Variants in SNX15 observed in about 807,000 individuals in gnomAD.
SNX15 encodes sorting nexin 15, also known as sorting nexin-15.
In SNX15, 29 loss-of-function variants were observed where a neutral mutation model predicts 35.2. The observed-to-expected ratio is 0.82, with a 90% CI of 0.61 to 1.12. The LOEUF (loss-of-function observed/expected upper bound fraction) is 1.12. Ranked by LOEUF, SNX15 falls within the 50% of genes most tolerant of loss-of-function variation. The pLI is 0.00. For missense variants in SNX15, 400 were observed against 451.5 expected, an observed-to-expected ratio of 0.89 and a Z score of 1.03; for synonymous variants, 189 against 188.2, an observed-to-expected ratio of 1.00 and a Z score of -0.03.
chr11:65,037,218 T>A (rs620981), intron 6 of SNX15: 101,905 of 151,718 alleles, frequency 0.67, 34,901 homozygotes, highest in Non-Finnish European at 0.71. Context: ...TTTTATTTTT[T>A]TTTATTTATT....
At chr11:65,038,381 C>T (rs192704881) in intron 6 of SNX15, 191 bp from the exon 7 acceptor site, 1 of 1,145,748 alleles carries the variant, frequency 8.7e-7, no homozygotes. Context: ...TACAGAAGCA[C>T]ATGAACCCTA....
rs1053363115 is a variant in SNX15, at chr11:65,029,086, G to A, written c.99+1450G>A. ...AGCCTGGGAGACAGAGCGAGACTCCGTCTCAAAAATATAAATAAATAAATA... is the reference window on the plus strand; with the variant it reads ...AGCCTGGGAGACAGAGCGAGACTCCATCTCAAAAATATAAATAAATAAATA... On this transcript the variant is annotated intron_variant, in intron 1 of 7. Coordinates refer to ENST00000377244, the MANE Select transcript of SNX15 (RefSeq NM_013306.5). Among the ~76,000 whole-genome samples the A allele has an allele frequency of 4.5e-5, 6 of 133,070 alleles. No individual in the cohort carries two copies. The East Asian group carries it at 8.2e-4, about 18-fold the overall frequency. 87.3% of individuals were successfully genotyped at this position (133,070 alleles called of 152,430 possible).
rs779890317 is a variant in SNX15, at chr11:65,038,799, G to A, written c.892G>A (p.Gly298Ser). ...TGCTGCACTCCAGGGCTATCGAGAC[G>A]GCGTGCACGTCTTGCTTCAGGGAGT... ...YAAALQGYRD[G>S]VHVLLQGVPS... The change falls in exon 7 of 8, where the codon GGC (glycine) becomes AGC (serine). Residue 298 changes from glycine to serine, a missense_variant. Physicochemically the swap from Gly to Ser is moderately conservative, Grantham distance 56 (BLOSUM62 0). Transcript: ENST00000377244. The A allele has an allele frequency of 1.7e-5, 27 of 1,594,758 alleles. No individual in the cohort carries two copies. Among genetic ancestry groups the A allele is most frequent in the South Asian group, 6.8e-5 (6 of 87,882 alleles).
intron 1 of SNX15, among the ~76,000 whole-genome samples, chr11:65,027,899 T>C (rs1946393292): frequency 6.6e-6 from 1 of 152,150 alleles, no homozygotes; most frequent in African/African-American, 2.4e-5. Flanking sequence ...CGGAGTGTAG[T>C]GTCTGGGCAT....
intron 6 of SNX15, 108 bp from the exon 7 acceptor site, chr11:65,038,464 A>G (rs1176792949): frequency 2.1e-6 from 3 of 1,399,006 alleles, no homozygotes; most frequent in Admixed American, 2.9e-5. Context: ...GGTCCCCTCT[A>G]CTGGGGACAG....
In SNX15 at chr11:65,027,682, C is replaced by T. The variant is rs775163698; in HGVS notation, c.99+46C>T. ...TACTTTACCCTTTTAACTAGAGGGG[C>T]GCCGAGTTTTACCTTAAGGAAAGGC... On this transcript the variant is annotated intron_variant, in intron 1 of 7. Transcript: ENST00000377244. 10 of 1,425,552 alleles carry T rather than the reference C, an allele frequency of 7.0e-6. 1 individual carries two copies. The South Asian group carries it at 8.1e-5, about 11-fold the overall frequency. 88.3% of individuals were successfully genotyped at this position (1,425,552 alleles called of 1,614,324 possible).
intron 7 of SNX15, 79 bp from the exon 8 acceptor site, chr11:65,039,607 A>T (rs1946554019): frequency 1.2e-6 from 1 of 820,572 alleles, no homozygotes; most frequent in African/African-American, 1.7e-5. Flanking sequence ...ATGCTCTGCG[A>T]ATTGTAAAGG....
rs777161903 is a variant in SNX15 at position 65,034,961 on chromosome 11, G to A, written c.371G>A (p.Arg124Gln). ...AGCCCCCAGCTCAAGGAGTTCTTCC[G>A]GGTATGTGCACCTTCCACCTTCCCA... ...NNSPQLKEFF[R>Q]GGEVTRPLEV... is the part of the protein sequence containing the mutation. Residue 124 changes from arginine to glutamine, a missense_variant and splice_region_variant, in exon 4 of 8, where the codon CGG becomes CAG. By Grantham distance (43) the Arg-to-Gln change is conservative (BLOSUM62 1). Coordinates refer to ENST00000377244, the MANE Select transcript of SNX15 (RefSeq NM_013306.5). The A allele has an allele frequency of 1.2e-5, 19 of 1,613,774 alleles. No homozygotes were observed. Among genetic ancestry groups the A allele is most frequent in the Admixed American group, 3.3e-5 (2 of 59,978 alleles).
In SNX15 at chr11:65,027,573, C is replaced by T; in HGVS notation, c.36C>T (p.His12=). Residue 12 remains histidine (H), a synonymous_variant, in exon 1 of 8, where the codon CAC becomes CAT. Transcript: ENST00000377244. ...SRQAKDDFLR[H]YTVSDPRTHP... ...AGGCGAAGGATGACTTCCTGCGGCA[C>T]TACACAGTGTCGGACCCCAGGACTC... 6.2e-7 allele frequency: 1 copy of T among 1,614,148 alleles called. No individual in the cohort carries two copies. Among genetic ancestry groups the T allele is most frequent in the Non-Finnish European group, 8.5e-7 (1 of 1,180,036 alleles).
At position 65,039,671 on chromosome 11, in the gene SNX15, A is replaced by G. The variant is rs1425874234; in HGVS notation, c.923-15A>G. The G allele has an allele frequency of 6.3e-7, 1 of 1,599,814 alleles. No homozygotes were observed. The highest frequency in any genetic ancestry group is 1.7e-5 in the Admixed American group (1 of 59,534). On this transcript the variant is annotated splice_polypyrimidine_tract_variant and intron_variant, in intron 7 of 7. Transcript: ENST00000377244. ...TGGTGCCCAGGTGCCTCAGCTGAGC[A>G]TTCTCTCTCCACAGGTGACCCGTTG...
chr11:65,035,296 A>ATG (rs956574324), intron 5 of SNX15, 90 bp downstream of exon 5: 5 of 1,332,338 alleles, frequency 3.8e-6, no homozygotes, highest in South Asian at 1.5e-5. Flanking sequence ...TTACTGAGAA[A>ATG]TGTGTGTGTG....
chr11:65,034,738 C>A, intron 3 of SNX15, 109 bp from the exon 4 acceptor site: 1 of 749,472 alleles, frequency 1.3e-6, no homozygotes, highest in Non-Finnish European at 2.2e-6. Context: ...GGTAGGAGGG[C>A]AGTGAGTTGC....
chr11:65,027,750 C>CAA, intron 1 of SNX15, 114 bp downstream of exon 1: 12 of 782,332 alleles, frequency 1.5e-5, no homozygotes, highest in Non-Finnish European at 2.6e-5. Flanking sequence ...AAATGGGTTT[C>CAA]CCCTTTAAGG....
chr11:65,032,356 C>T lies in SNX15; in HGVS notation c.136-75C>T. 4 of 1,610,762 alleles carry T rather than the reference C, an allele frequency of 2.5e-6. No individual in the cohort carries two copies. In the South Asian group the frequency reaches 4.4e-5, roughly 18 times the overall value. ...AGCTGCTTCCTGATCCTCACGCCCC[C>T]TGGGGGCAGGCTAGGCATGGGGGCG... On this transcript the variant is annotated intron_variant, in intron 2 of 7. Transcript: ENST00000377244.
chr11:65,040,497 C>T lies in SNX15; in HGVS notation c.*705C>T, dbSNP rs1324663956. 1 of 151,948 alleles carries T rather than the reference C, an allele frequency of 6.6e-6. No homozygotes were observed. Among genetic ancestry groups the T allele is most frequent in the Non-Finnish European group, 1.5e-5 (1 of 67,992 alleles). The allele number at this position is 151,948 out of a possible 1,614,324, so 9.4% of individuals were successfully genotyped here. A position where few individuals can be genotyped will look rare whatever the true frequency, so the allele number is the denominator to read the frequency against. Reference sequence around the variant, plus strand: ...TCAAAATAATATTCTGTGACAATGACAGGTGAAATTTATATGTGACAAGTG... The same window carrying T: ...TCAAAATAATATTCTGTGACAATGATAGGTGAAATTTATATGTGACAAGTG... On this transcript the variant is annotated 3_prime_UTR_variant, in exon 8 of 8. Coordinates refer to ENST00000377244, the MANE Select transcript of SNX15 (RefSeq NM_013306.5).
In SNX15 at chr11:65,032,472, T is replaced by C. The variant is rs763475463; in HGVS notation, c.177T>C (p.His59=). 10 of 1,614,212 alleles carry C rather than the reference T, an allele frequency of 6.2e-6. No individual in the cohort carries two copies. The highest frequency in any genetic ancestry group is 6.8e-6 in the Non-Finnish European group (8 of 1,180,024). The change falls in exon 3 of 8, where the codon CAT becomes CAC. Residue 59 remains histidine (H), a synonymous_variant. Transcript: ENST00000377244. ...GGTACAGCGACTTCCGCAAGCTGCA[T>C]GGAGACCTGGCCTACACCCACCGCA... The part of the protein sequence containing the change: ...WKRYSDFRKL[H]GDLAYTHRNL...
In SNX15 at chr11:65,027,449, C is replaced by A; in HGVS notation, c.-89C>A. 2 of 971,758 alleles carry A rather than the reference C, an allele frequency of 2.1e-6. No homozygotes were observed. Among genetic ancestry groups the A allele is most frequent in the Non-Finnish European group, 3.3e-6 (2 of 608,258 alleles). The allele number at this position is 971,758 out of a possible 1,614,324, so 60.2% of individuals were successfully genotyped here. A position where few individuals can be genotyped will look rare whatever the true frequency, so the allele number is the denominator to read the frequency against. On this transcript the variant is annotated 5_prime_UTR_variant, in exon 1 of 8. Transcript: ENST00000377244. ...CAGAGGAAGAAGAGCGCAGGCCTGG[C>A]GAGGCGGCGGCGGGCGGAGGCTGGG...
At position 65,038,718 on chromosome 11, in the gene SNX15, C is replaced by G. The variant is rs184908664; in HGVS notation, c.811C>G (p.Gln271Glu). 295 of 1,606,310 alleles carry G rather than the reference C, an allele frequency of 1.8e-4. 5 individuals are homozygous for G. The East Asian group carries it at 6.5e-3, about 36-fold the overall frequency. ...AGGGCCCACCCCTGCCTACCTAAGC[C>G]AGGCCACAGAGCTCATCACCCAGGC... ...EGGPTPAYLS[Q>E]ATELITQALR... Residue 271 changes from glutamine to glutamate, a missense_variant, in exon 7 of 8, where the codon CAG becomes GAG. Transcript: ENST00000377244.
chr11:65,035,701 G>A (rs1946494644), intron 6 of SNX15, 38 bp downstream of exon 6: 1 of 1,569,152 alleles, frequency 6.4e-7, no homozygotes, highest in Non-Finnish European at 8.6e-7. Context: ...GCCAGGGCAG[G>A]ACGTCCTTGG....
Sources: gnomAD v4.1 joint callset for allele counts (sites outside exome capture counted in the v4.1 genomes callset) on GRCh38, gnomAD v4.1.1 for gene constraint, MANE v1.5 for transcripts, NCBI Gene and HGNC (gene_info 2026-07-23, HGNC 2026-07-21) for gene names.